Variants in ONECUT1 observed in about 807,000 individuals in gnomAD.
ONECUT1 encodes one cut homeobox 1.
A neutral mutation model predicts 25.6 loss-of-function variants in ONECUT1; 12 were observed. The ratio of observed to expected loss-of-function variants is 0.47; its 90% CI spans 0.30 to 0.76. The LOEUF (loss-of-function observed/expected upper bound fraction) is 0.76, where lower values mean the gene tolerates loss of function less well. Ranked by LOEUF, ONECUT1 falls within the 30% of genes least tolerant of loss-of-function variation. The pLI, the probability that ONECUT1 is intolerant of heterozygous loss-of-function variation, is 0.07. For missense variants in ONECUT1, 620 were observed against 651.2 expected (o/e 0.95, Z 0.52); for synonymous variants, 285 against 270.2 (o/e 1.05, Z -0.54).
intron 1 of ONECUT1, among the ~76,000 whole-genome samples, chr15:52,765,809 AGTT>A (rs1231143656): frequency 2.0e-5 from 3 of 152,232 alleles, no homozygotes; most frequent in Non-Finnish European, 4.4e-5. Flanking sequence ...CTGTGTCCCC[AGTT>A]GTTTGGGTGA....
intron 1 of ONECUT1, among the ~76,000 whole-genome samples, chr15:52,774,800 G>A (rs536533781): frequency 2.0e-5 from 3 of 152,296 alleles, no homozygotes; most frequent in Admixed American, 2.0e-4. Context: ...CTTGTGTTGA[G>A]GGTAGTGCTC....
chr15:52,760,249 T>G (rs2083698283), intron 1 of ONECUT1, among the ~76,000 whole-genome samples: 1 of 152,120 alleles, frequency 6.6e-6, no homozygotes, highest in Non-Finnish European at 1.5e-5. Context: ...CTGAGCCAGG[T>G]GAGAGTCTCC....
At position 52,784,162 on chromosome 15, in the gene ONECUT1, C is replaced by G. The variant is rs1411001413; in HGVS notation, c.1105+4618G>C. 6.6e-6 allele frequency among the ~76,000 whole-genome samples: 1 copy of G among 152,168 alleles called. No homozygotes were observed. The highest frequency in any genetic ancestry group is 2.4e-5 in the African/African-American group (1 of 41,436). Reference sequence around the variant, plus strand: ...GAGCCGAATGGAGGGAAGCAGGGAGCGCGGAGGGCTCGAGGCTTGCAGATA... The same window carrying G: ...GAGCCGAATGGAGGGAAGCAGGGAGGGCGGAGGGCTCGAGGCTTGCAGATA... On this transcript the variant is annotated intron_variant, in intron 1 of 1. Transcript: ENST00000305901. This position sits in a 1 kb window ranked among gnomAD's most constrained non-coding sequence, Gnocchi z 5.0.
chr15:52,765,722 G>T (rs147835345), intron 1 of ONECUT1, among the ~76,000 whole-genome samples: 19 of 152,288 alleles, frequency 1.2e-4, no homozygotes, highest in African/African-American at 3.6e-4. Context: ...TTAGAGCTCA[G>T]ACTCCAGGAG....
chr15:52,763,554 T>C (rs946678785), intron 1 of ONECUT1, among the ~76,000 whole-genome samples: 3 of 152,178 alleles, frequency 2.0e-5, no homozygotes, highest in South Asian at 2.1e-4. Flanking sequence ...TGAGGTCAAG[T>C]TGGTTTGGGA....
chr15:52,772,949 A>C (rs921401870), intron 1 of ONECUT1, among the ~76,000 whole-genome samples: 10 of 152,174 alleles, frequency 6.6e-5, no homozygotes, highest in Non-Finnish European at 1.2e-4. Flanking sequence ...TGTGCTTATC[A>C]AGCTGTAACA....
chr15:52,786,243 G>A (rs967010382), intron 1 of ONECUT1, among the ~76,000 whole-genome samples: 2 of 152,238 alleles, frequency 1.3e-5, no homozygotes, highest in South Asian at 4.1e-4. Context: ...ATGTTAATGA[G>A]ATGGCTCCTT....
chr15:52,777,729 C>CAAA (rs1309303644), intron 1 of ONECUT1, among the ~76,000 whole-genome samples: 17 of 87,360 alleles, frequency 1.9e-4, no homozygotes, highest in African/African-American at 3.3e-4. Flanking sequence ...CACACACACA[C>CAAA]ACACACACAA....
rs1566994296 is a variant in ONECUT1, at chr15:52,784,514, G to C, written c.1105+4266C>G. On this transcript the variant is annotated intron_variant, in intron 1 of 1. Transcript: ENST00000305901. The surrounding 1 kb of genome is among the most constrained non-coding windows in gnomAD (Gnocchi z 5.0). Reference sequence around the variant, plus strand: ...AGCCCCCCTTAAGCCCCAGAAGTAGGTTTCCCCTGCCCCAGCCATAGCGGT... The same window carrying C: ...AGCCCCCCTTAAGCCCCAGAAGTAGCTTTCCCCTGCCCCAGCCATAGCGGT... Among the ~76,000 whole-genome samples, 1 of 152,110 alleles carries C rather than the reference G, an allele frequency of 6.6e-6. No individual in the cohort carries two copies. Among genetic ancestry groups the C allele is most frequent in the Non-Finnish European group, 1.5e-5 (1 of 68,002 alleles).
chr15:52,789,753 G>A lies in ONECUT1; in HGVS notation c.132C>T (p.His44=), dbSNP rs2083906784. The A allele has an allele frequency of 1.4e-6, 2 of 1,407,954 alleles. No individual in the cohort carries two copies. Among genetic ancestry groups the A allele is most frequent in the Non-Finnish European group, 1.8e-6 (2 of 1,091,926 alleles). The allele number at this position is 1,407,954 out of a possible 1,614,324, so 87.2% of individuals were successfully genotyped here. Residue 44 remains histidine (H), a synonymous_variant, in exon 1 of 2, where the codon CAC becomes CAT. Coordinates refer to ENST00000305901, the MANE Select transcript of ONECUT1 (RefSeq NM_004498.4). This position sits in a 1 kb window ranked among gnomAD's most constrained non-coding sequence, Gnocchi z 4.1. The part of the protein sequence containing the change: ...ARSSVAHRGS[H]LPPAHPRSMG... ...TGGAGCGCGGGTGCGCGGGGGGCAG[G>A]TGGCTGCCGCGGTGCGCCACGGAGC...
chr15:52,777,407 C>T (rs1241062705), intron 1 of ONECUT1, among the ~76,000 whole-genome samples: 1 of 152,164 alleles, frequency 6.6e-6, no homozygotes, highest in Non-Finnish European at 1.5e-5. Context: ...ATAGGACACC[C>T]TCAGTCCATG....
chr15:52,761,654 G>C (rs909087747), intron 1 of ONECUT1, among the ~76,000 whole-genome samples: 2 of 152,206 alleles, frequency 1.3e-5, no homozygotes, highest in Non-Finnish European at 2.9e-5. Context: ...CTGGGCAAGA[G>C]AGCAAGATTC....
At chr15:52,774,315 T>TTTATTTATTTATTTATTTA (rs1566991438) in intron 1 of ONECUT1, among the ~76,000 whole-genome samples, 1 of 141,624 alleles carries the variant, frequency 7.1e-6, no homozygotes. Context: ...TTATTTATTT[T>TTTATTTATTTATTTATTTA]TTGAGACAGA....
At position 52,789,843 on chromosome 15, in the gene ONECUT1, G is replaced by A. The variant is rs374551730; in HGVS notation, c.42C>T (p.His14=). 32 of 1,541,344 alleles carry A rather than the reference G, an allele frequency of 2.1e-5. No homozygotes were observed. The African/African-American group carries it at 4.4e-4, about 21-fold the overall frequency. Reference sequence around the variant, plus strand: ...CGGGCACCGGCTCATGGCTCACCCCGTGCAGCTCGCCGATCGCTTCCATGG... The same window carrying A: ...CGGGCACCGGCTCATGGCTCACCCCATGCAGCTCGCCGATCGCTTCCATGG... The part of the protein sequence containing the change: ...QLTMEAIGEL[H]GVSHEPVPAP... The change falls in exon 1 of 2, where the codon CAC becomes CAT. Residue 14 remains histidine (H), a synonymous_variant. Transcript: ENST00000305901. This position sits in a 1 kb window ranked among gnomAD's most constrained non-coding sequence, Gnocchi z 4.1.
chr15:52,786,113 C>G (rs991347186), intron 1 of ONECUT1: 2 of 152,270 alleles, frequency 1.3e-5, no homozygotes, highest in African/African-American at 4.8e-5. Context: ...GGGGCAGGCA[C>G]TAATGTCCCG....
At chr15:52,757,918 A>T (rs1041487984) in intron 1 of ONECUT1, 71 bp from the exon 2 acceptor site, 2 of 1,515,280 alleles carry the variant, frequency 1.3e-6, no homozygotes, top group Non-Finnish European at 8.9e-7. Context: ...GACAGAGCTC[A>T]TAAAATTTGT....
chr15:52,757,274 C>G lies in ONECUT1; in HGVS notation c.*281G>C. 2.5e-6 allele frequency: 1 copy of G among 397,976 alleles called. No individual in the cohort carries two copies. The highest frequency in any genetic ancestry group is 4.5e-6 in the Non-Finnish European group (1 of 222,976). 24.7% of individuals were successfully genotyped at this position (397,976 alleles called of 1,614,324 possible). ...CACTATGCTCCAAACCACTAAACAG[C>G]CAAGCACAGCGAGGATGGTCATGGA... is the stretch of plus-strand genomic sequence containing the variant. On this transcript the variant is annotated 3_prime_UTR_variant, in exon 2 of 2. Coordinates refer to ENST00000305901, the MANE Select transcript of ONECUT1 (RefSeq NM_004498.4).
intron 1 of ONECUT1, among the ~76,000 whole-genome samples, chr15:52,786,542 C>T (rs1279208909): frequency 6.6e-6 from 1 of 152,244 alleles, no homozygotes; most frequent in Non-Finnish European, 1.5e-5. Flanking sequence ...TTGCTGGGTG[C>T]CCAGGCAGGC....
intron 1 of ONECUT1, among the ~76,000 whole-genome samples, chr15:52,779,207 C>A (rs553917615): frequency 6.6e-6 from 1 of 152,158 alleles, no homozygotes; most frequent in Non-Finnish European, 1.5e-5. Flanking sequence ...CCTCAGCCTC[C>A]CGAGTAGCTG....
Sources: gnomAD v4.1 joint callset for allele counts (sites outside exome capture counted in the v4.1 genomes callset) on GRCh38, gnomAD v4.1.1 for gene constraint, Gnocchi (gnomAD v3.1) non-coding constraint, MANE v1.5 for transcripts, NCBI Gene and HGNC (gene_info 2026-07-23, HGNC 2026-07-21) for gene names.